The following RLN2 variants were observed in gnomAD, a reference collection of about 807,000 sequenced individuals.
RLN2 encodes relaxin 2.
In RLN2, 10 loss-of-function variants were observed where a neutral mutation model predicts 7.3. That is an observed-to-expected ratio of 1.36 (90% confidence interval 0.84 to 2.31). RLN2 has a LOEUF of 2.31. Ranked by LOEUF, RLN2 falls within the 30% of genes most tolerant of loss-of-function variation. The probability of loss-of-function intolerance (pLI) is 0.00; values close to 1 mark genes in which losing one functional copy is unlikely to be tolerated. For synonymous variants in RLN2, 103 were observed against 82.3 expected (o/e 1.25, Z -1.36); for missense variants, 298 against 217.6 (o/e 1.37, Z -2.32).
Position 5,300,117 on chromosome 9 carries a change from G to C in RLN2, c.539C>G (p.Ser180Cys). Residue 180 changes from serine to cysteine, a missense_variant, in exon 2 of 2, where the codon TCT becomes TGT. Ser to Cys is a moderately radical substitution (Grantham distance 112, BLOSUM62 -1). Coordinates refer to ENST00000381627, the MANE Select transcript of RLN2 (RefSeq NM_134441.3). ...TTCATCTCAGCAAAATCTAGCAAGA[G>C]ATCTTTTGGTACAACCAACATGGCA... The part of the protein sequence containing the change: ...KCCHVGCTKR[S>C]LARFC The C allele has an allele frequency of 6.3e-7, 1 of 1,597,314 alleles. No individual in the cohort carries two copies. The highest frequency in any genetic ancestry group is 8.5e-7 in the Non-Finnish European group (1 of 1,173,950).
At chr9:5,327,943 G>A in the RLN2 span, among the ~76,000 whole-genome samples, 13 of 151,992 alleles carry the variant, frequency 8.6e-5, no homozygotes, top group East Asian at 5.8e-4. Context: ...AGATAAAACC[G>A]CAAAGATAGG....
At chr9:5,313,142 A>G in the RLN2 span, among the ~76,000 whole-genome samples, 1 of 151,928 alleles carries the variant, frequency 6.6e-6, no homozygotes, top group East Asian at 1.9e-4. Flanking sequence ...TTTTCTATCT[A>G]GATGATTTTT....
At chr9:5,301,525 G>A (rs1471287953) in intron 1 of RLN2, among the ~76,000 whole-genome samples, 3 of 152,152 alleles carry the variant, frequency 2.0e-5, no homozygotes, top group Non-Finnish European at 4.4e-5. Flanking sequence ...TTAGAAACAC[G>A]ATGATGTTTA....
chr9:5,311,741 A>C, the RLN2 span: 1 of 1,033,768 alleles, frequency 9.7e-7, no homozygotes, highest in Non-Finnish European at 1.5e-6. Context: ...TGATAACTGT[A>C]TACTTCTGGT....
chr9:5,305,402 C>CACACACAGAGAG (rs397829533), upstream of RLN2, among the ~76,000 whole-genome samples: 10 of 112,204 alleles, frequency 8.9e-5, no homozygotes, highest in Admixed American at 3.7e-4. Flanking sequence ...CACACACACA[C>CACACACAGAGAG]AGAGAGAGAG....
intron 1 of RLN2, chr9:5,304,160 G>C (rs1563735304): frequency 2.2e-6 from 1 of 454,672 alleles, no homozygotes; most frequent in South Asian, 2.2e-5. Flanking sequence ...CCCTCCGTCC[G>C]GTGAGATTCC....
the RLN2 span, among the ~76,000 whole-genome samples, chr9:5,336,860 A>T: frequency 6.6e-6 from 1 of 151,990 alleles, no homozygotes; most frequent in Non-Finnish European, 1.5e-5. Context: ...GATCAGAGGA[A>T]ACCACGACCC....
At chr9:5,317,510 C>T in the RLN2 span, among the ~76,000 whole-genome samples, 1 of 149,122 alleles carries the variant, frequency 6.7e-6, no homozygotes, top group Non-Finnish European at 1.5e-5. Context: ...GAGAACTGGC[C>T]CTACTAGATA....
the RLN2 span, among the ~76,000 whole-genome samples, chr9:5,315,244 C>G: frequency 1.3e-5 from 2 of 151,886 alleles, no homozygotes; most frequent in South Asian, 2.1e-4. Flanking sequence ...AATTCGTCAT[C>G]TTAATGAGAA....
At chr9:5,329,120 G>C in the RLN2 span, among the ~76,000 whole-genome samples, 1 of 151,310 alleles carries the variant, frequency 6.6e-6, no homozygotes, top group East Asian at 1.9e-4. Flanking sequence ...TGGCTAACAA[G>C]GTGAAACCCC....
the RLN2 span, among the ~76,000 whole-genome samples, chr9:5,336,968 T>C: frequency 6.6e-6 from 1 of 151,884 alleles, no homozygotes; most frequent in East Asian, 1.9e-4. Context: ...ACTTCAACAG[T>C]TGGAGTTTGA....
chr9:5,315,264 A>G, the RLN2 span, among the ~76,000 whole-genome samples: 3 of 151,956 alleles, frequency 2.0e-5, no homozygotes, highest in South Asian at 6.2e-4. Context: ...AATTCAATAA[A>G]GAAGAAAACA....
At chr9:5,325,001 G>C in the RLN2 span, among the ~76,000 whole-genome samples, 1 of 151,976 alleles carries the variant, frequency 6.6e-6, no homozygotes, top group Non-Finnish European at 1.5e-5. Context: ...GAGAAGTGGG[G>C]TGTTGGGAAA....
chr9:5,327,625 T>A, the RLN2 span, among the ~76,000 whole-genome samples: 1 of 152,020 alleles, frequency 6.6e-6, no homozygotes, highest in Non-Finnish European at 1.5e-5. Context: ...GACCCCTGTG[T>A]AGCCTGACTG....
chr9:5,300,359 C>T lies in RLN2; in HGVS notation c.297G>A (p.Lys99=), dbSNP rs756769619. The part of the protein sequence containing the change: ...EFVANLPQEL[K]LTLSEMQPAL... ...CTGGCTGCATCTCAGACAGGGTTAACTTCAGCTCCTGTGGCAAATTAGCAA... is the reference window on the plus strand; with the variant it reads ...CTGGCTGCATCTCAGACAGGGTTAATTTCAGCTCCTGTGGCAAATTAGCAA... The change falls in exon 2 of 2, where the codon AAG becomes AAA. Residue 99 remains lysine (K), a synonymous_variant. Transcript: ENST00000381627. 1.2e-6 allele frequency: 2 copies of T among 1,613,900 alleles called. No individual in the cohort carries two copies. The highest frequency in any genetic ancestry group is 2.2e-5 in the East Asian group (1 of 44,874).
the RLN2 span, chr9:5,334,892 G>A: frequency 5.9e-6 from 1 of 169,954 alleles, no homozygotes; most frequent in Non-Finnish European, 1.2e-5. Flanking sequence ...TCCAATCTAA[G>A]AGTTAATATC....
chr9:5,316,056 C>T, the RLN2 span, among the ~76,000 whole-genome samples: 1 of 151,886 alleles, frequency 6.6e-6, no homozygotes, highest in Non-Finnish European at 1.5e-5. Context: ...CCAAAATACT[C>T]TAATATTATT....
the RLN2 span, among the ~76,000 whole-genome samples, chr9:5,336,590 A>G: frequency 1.2e-4 from 19 of 152,086 alleles, no homozygotes; most frequent in Non-Finnish European, 2.6e-4. Context: ...CTTGCTGTCA[A>G]AAAACTTACA....
chr9:5,331,240 T>C, the RLN2 span, among the ~76,000 whole-genome samples: 1 of 152,028 alleles, frequency 6.6e-6, no homozygotes, highest in Non-Finnish European at 1.5e-5. Context: ...CCTCCCTAAC[T>C]CATTTTATGG....
Sources: gnomAD v4.1 joint callset for allele counts (sites outside exome capture counted in the v4.1 genomes callset) on GRCh38, gnomAD v4.1.1 for gene constraint, MANE v1.5 for transcripts, NCBI Gene and HGNC (gene_info 2026-07-23, HGNC 2026-07-21) for gene names.